Variants in NBEA observed in about 807,000 individuals in gnomAD.
NBEA encodes the protein neurobeachin.
In NBEA, 44 loss-of-function variants were observed where a neutral mutation model predicts 343.4. That is an observed-to-expected ratio of 0.13 (90% CI 0.10 to 0.16). The LOEUF is 0.16. Ranked by LOEUF, NBEA falls within the 10% of genes least tolerant of loss-of-function variation. NBEA has a pLI of 1.00. For missense variants in NBEA, 2,555 were observed against 3,631.3 expected (o/e 0.70, Z 7.62); for synonymous variants, 1,175 against 1,238.7 (o/e 0.95, Z 1.08).
rs139222311 is a variant in NBEA, at chr13:35,373,380, A to G, written c.6179+21057A>G. 5.6e-4 allele frequency among the ~76,000 whole-genome samples: 85 copies of G among 152,298 alleles called. 1 individual carries two copies. The highest frequency in any genetic ancestry group is 1.9e-3 in the African/African-American group (80 of 41,562). Reference sequence around the variant, plus strand: ...TATGTGTTATATACTGTATTCTTACAAGAAAGTAAGTTACAGAAAATGTAA... The same window carrying G: ...TATGTGTTATATACTGTATTCTTACGAGAAAGTAAGTTACAGAAAATGTAA... On this transcript the variant is annotated intron_variant, in intron 38 of 58. Transcript: ENST00000379939.
At chr13:35,423,725 A>G (rs551318876) in intron 38 of NBEA, among the ~76,000 whole-genome samples, 28 of 152,236 alleles carry the variant, frequency 1.8e-4, no homozygotes, top group Non-Finnish European at 3.5e-4. Flanking sequence ...CATTGAATCT[A>G]TAAATTACCT....
At chr13:35,543,483 T>A (rs940858716) in intron 41 of NBEA, among the ~76,000 whole-genome samples, 3 of 152,176 alleles carry the variant, frequency 2.0e-5, no homozygotes, top group Admixed American at 2.0e-4. Flanking sequence ...CAACTTCTCC[T>A]CTTTGAAAGT....
chr13:35,644,768 A>T (rs2153075644), intron 49 of NBEA, among the ~76,000 whole-genome samples: 1 of 152,360 alleles, frequency 6.6e-6, no homozygotes, highest in East Asian at 1.9e-4. Flanking sequence ...CTAACCAGAA[A>T]TGGTCTCTTC....
chr13:35,655,582 A>G lies in NBEA; in HGVS notation c.8195A>G (p.Lys2732Arg), dbSNP rs2084778663. ...ACCTGTCATTTCTGTGTTGCAGGGA[A>G]ATTGACTCAGATTGTATTTGGCCAT... ...SFRVYSTETG[K>R]LTQIVFGHWD... The change falls in exon 55 of 59, where the codon AAA becomes AGA. Residue 2732 changes from lysine (K) to arginine (R), a missense_variant. Lys to Arg is a conservative substitution (Grantham distance 26). This residue lies in a region of NBEA where 186 missense variants were observed against 328.9 expected (regional missense o/e 0.57). Transcript: ENST00000379939. The G allele has an allele frequency of 6.2e-7, 1 of 1,612,460 alleles. No individual in the cohort carries two copies. Among genetic ancestry groups the G allele is most frequent in the African/African-American group, 1.3e-5 (1 of 74,886 alleles).
chr13:35,420,909 G>A (rs145895300), intron 38 of NBEA, among the ~76,000 whole-genome samples: 11 of 151,900 alleles, frequency 7.2e-5, no homozygotes, highest in African/African-American at 2.4e-4. Flanking sequence ...CTTTTTAGAG[G>A]TGTGTCAGTG....
intron 34 of NBEA, among the ~76,000 whole-genome samples, chr13:35,246,254 C>T (rs918048971): frequency 8.5e-5 from 13 of 152,138 alleles, no homozygotes; most frequent in African/African-American, 2.9e-4. Context: ...CCTTGATTAG[C>T]TTAATAATCA....
At chr13:34,975,945 G>A (rs962080604) in intron 1 of NBEA, among the ~76,000 whole-genome samples, 1 of 152,286 alleles carries the variant, frequency 6.6e-6, no homozygotes, top group African/African-American at 2.4e-5. Context: ...TGGATGTGGT[G>A]AAAAGGGAAC....
At chr13:35,353,174 G>T (rs1275388811) in intron 38 of NBEA, among the ~76,000 whole-genome samples, 2 of 152,082 alleles carry the variant, frequency 1.3e-5, no homozygotes, top group Non-Finnish European at 2.9e-5. Flanking sequence ...GATGGCTCAC[G>T]CCTGTAATCC....
intron 47 of NBEA, 123 bp from the exon 48 acceptor site, chr13:35,606,303 C>A (rs1368669303): frequency 4.5e-6 from 2 of 448,882 alleles, no homozygotes; most frequent in Non-Finnish European, 7.3e-6. Flanking sequence ...AGAATTAATT[C>A]ATAAAATATT....
intron 44 of NBEA, among the ~76,000 whole-genome samples, chr13:35,557,486 G>A (rs972139919): frequency 6.6e-6 from 1 of 152,150 alleles, no homozygotes; most frequent in African/African-American, 2.4e-5. Context: ...CTGAGCCAGA[G>A]CATGCAGACT....
chr13:35,652,215 G>C (rs938927936), intron 53 of NBEA, among the ~76,000 whole-genome samples: 1 of 151,934 alleles, frequency 6.6e-6, no homozygotes, highest in African/African-American at 2.4e-5. Flanking sequence ...GGCTGGGGGA[G>C]GAATAGCATT....
intron 36 of NBEA, among the ~76,000 whole-genome samples, chr13:35,338,934 A>G (rs1460186379): frequency 6.6e-6 from 1 of 152,100 alleles, no homozygotes; most frequent in African/African-American, 2.4e-5. Context: ...TCATTTGACA[A>G]AATTTAATAC....
intron 36 of NBEA, among the ~76,000 whole-genome samples, chr13:35,346,392 GA>G (rs2039878395): frequency 6.6e-6 from 1 of 152,082 alleles, no homozygotes; most frequent in Non-Finnish European, 1.5e-5. Flanking sequence ...AATGTAGGCT[GA>G]TAATATGATC....
At chr13:35,359,105 A>G (rs570203590) in intron 38 of NBEA, among the ~76,000 whole-genome samples, 4 of 152,310 alleles carry the variant, frequency 2.6e-5, no homozygotes, top group South Asian at 2.1e-4. Flanking sequence ...AGTAGCATGA[A>G]AAGCAAAGAA....
chr13:35,599,044 G>A (rs2081932260), intron 47 of NBEA, among the ~76,000 whole-genome samples: 1 of 152,156 alleles, frequency 6.6e-6, no homozygotes, highest in Non-Finnish European at 1.5e-5. Context: ...TAAGTCAGAA[G>A]CACATGCTTA....
At chr13:35,183,769 T>C (rs2071483050) in intron 29 of NBEA, among the ~76,000 whole-genome samples, 1 of 152,100 alleles carries the variant, frequency 6.6e-6, no homozygotes, top group South Asian at 2.1e-4. Flanking sequence ...TTTGTATGTC[T>C]CTGTGTATGT....
intron 11 of NBEA, among the ~76,000 whole-genome samples, chr13:35,102,076 T>A (rs1293296311): frequency 1.3e-5 from 2 of 151,614 alleles, no homozygotes; most frequent in Non-Finnish European, 3.0e-5. Context: ...GTATGAGGTA[T>A]AAGGGTCAAG....
intron 8 of NBEA, among the ~76,000 whole-genome samples, chr13:35,067,738 T>A (rs1489086461): frequency 6.6e-6 from 1 of 152,046 alleles, no homozygotes; most frequent in African/African-American, 2.4e-5. Context: ...ATATTTTCTT[T>A]AAAAAAAATT....
At chr13:35,237,877 C>T (rs1240892023) in intron 34 of NBEA, among the ~76,000 whole-genome samples, 1 of 151,834 alleles carries the variant, frequency 6.6e-6, no homozygotes, top group Non-Finnish European at 1.5e-5. Flanking sequence ...TTGTCGGTGT[C>T]CTTTCATTTT....
Sources: allele counts gnomAD v4.1 joint callset (sites outside exome capture counted in the v4.1 genomes callset), GRCh38; gene constraint gnomAD v4.1.1; regional missense constraint gnomAD v4.1.1; transcripts MANE v1.5; gene names NCBI Gene and HGNC (gene_info 2026-07-23, HGNC 2026-07-21).